MIS18A: variants seen among roughly 807,000 people sequenced by gnomAD.
MIS18A encodes the protein MIS18 kinetochore protein A, also known as protein Mis18-alpha.
In MIS18A, 14 loss-of-function variants were observed where a neutral mutation model predicts 25.0. That is an observed-to-expected ratio of 0.56 (90% CI 0.37 to 0.88). The LOEUF (loss-of-function observed/expected upper bound fraction) is 0.88, where lower values mean the gene tolerates loss of function less well. Among genes scored for constraint, MIS18A ranks in the 40% least tolerant of loss-of-function variants. MIS18A has a pLI of 0.00. For synonymous variants in MIS18A, 134 were observed against 118.6 expected, an observed-to-expected ratio of 1.13 and a Z score of -0.84; for missense variants, 292 against 290.8, an observed-to-expected ratio of 1.00 and a Z score of -0.03.
the MIS18A span, among the ~76,000 whole-genome samples, chr21:32,220,788 G>T: frequency 6.6e-6 from 1 of 152,008 alleles, no homozygotes; most frequent in African/African-American, 2.4e-5. Context: ...GAACATAAAT[G>T]ACATGATGGA....
chr21:32,244,252 A>G, the MIS18A span, among the ~76,000 whole-genome samples: 1 of 152,180 alleles, frequency 6.6e-6, no homozygotes, highest in Admixed American at 6.5e-5. Context: ...GCGCGGGGCC[A>G]GGGCTGGGGA....
In MIS18A at chr21:32,277,244, T is replaced by C. The variant is rs188161781; in HGVS notation, c.334+1437A>G. ...AGAACTATGTTTTAAATTTAAAAGC[T>C]ATTGTTATAAAAATTAAATAACAAA... On this transcript the variant is annotated intron_variant, in intron 1 of 4. Transcript: ENST00000290130. Among the ~76,000 whole-genome samples the C allele has an allele frequency of 4.9e-3, 739 of 152,338 alleles. 3 individuals carry two copies. Among genetic ancestry groups the C allele is most frequent in the Admixed American group, 0.011 (164 of 15,302 alleles).
the MIS18A span, among the ~76,000 whole-genome samples, chr21:32,179,139 G>A: frequency 6.7e-6 from 1 of 149,800 alleles, no homozygotes; most frequent in Non-Finnish European, 1.5e-5. Flanking sequence ...ATTTCTCTTT[G>A]CTGATTCCAG....
the MIS18A span, among the ~76,000 whole-genome samples, chr21:32,215,000 C>T: frequency 1.3e-5 from 2 of 152,178 alleles, no homozygotes; most frequent in African/African-American, 4.8e-5. Context: ...GGGACAAACT[C>T]AGGACTCTGT....
At chr21:32,172,448 A>T in the MIS18A span, among the ~76,000 whole-genome samples, 4 of 152,104 alleles carry the variant, frequency 2.6e-5, no homozygotes, top group African/African-American at 9.6e-5. Context: ...CCATTTGACT[A>T]TAGTAACACT....
chr21:32,258,555 A>G, the MIS18A span, among the ~76,000 whole-genome samples: 1 of 152,166 alleles, frequency 6.6e-6, no homozygotes, highest in Non-Finnish European at 1.5e-5. Context: ...TTGGGGAAAC[A>G]AAACAAAAAG....
the MIS18A span, among the ~76,000 whole-genome samples, chr21:32,219,604 G>A: frequency 4.9e-3 from 747 of 152,232 alleles, no homozygotes; most frequent in Non-Finnish European, 7.6e-3. Flanking sequence ...CCCCAGTGGT[G>A]CCTGGAATGC....
the MIS18A span, among the ~76,000 whole-genome samples, chr21:32,256,602 A>G: frequency 6.6e-6 from 1 of 152,188 alleles, no homozygotes; most frequent in East Asian, 1.9e-4. Flanking sequence ...TAATTTTTAT[A>G]GTCCTACTAA....
At chr21:32,209,998 A>C in the MIS18A span, among the ~76,000 whole-genome samples, 1 of 152,198 alleles carries the variant, frequency 6.6e-6, no homozygotes, top group Non-Finnish European at 1.5e-5. Context: ...GAAGTTGTAT[A>C]ACATGCTCAA....
chr21:32,263,779 C>T (rs1430559549), downstream of MIS18A, among the ~76,000 whole-genome samples: 1 of 150,666 alleles, frequency 6.6e-6, no homozygotes, highest in South Asian at 2.1e-4. Context: ...CAATATGCTG[C>T]AAACCCAGCT....
At chr21:32,278,427 G>A (rs926832776) in intron 1 of MIS18A, 8 of 513,084 alleles carry the variant, frequency 1.6e-5, no homozygotes, top group African/African-American at 1.0e-4. Flanking sequence ...TCTGAGTAAT[G>A]CTCACGATGA....
At chr21:32,183,132 C>A in the MIS18A span, among the ~76,000 whole-genome samples, 1 of 152,158 alleles carries the variant, frequency 6.6e-6, no homozygotes, top group African/African-American at 2.4e-5. Flanking sequence ...CCCTGCCCAT[C>A]CTGCCCCACA....
the MIS18A span, among the ~76,000 whole-genome samples, chr21:32,227,226 G>A: frequency 1.3e-5 from 2 of 151,532 alleles, no homozygotes; most frequent in African/African-American, 2.4e-5. Flanking sequence ...CAAAATAAAC[G>A]AAATAGAGAA....
intron 1 of MIS18A, among the ~76,000 whole-genome samples, chr21:32,277,480 G>A (rs1383569721): frequency 1.3e-5 from 2 of 151,976 alleles, no homozygotes; most frequent in Non-Finnish European, 2.9e-5. Context: ...TTGAGACGTT[G>A]TCTCGCTCTG....
At chr21:32,237,052 C>T in the MIS18A span, among the ~76,000 whole-genome samples, 1 of 150,620 alleles carries the variant, frequency 6.6e-6, no homozygotes, top group Non-Finnish European at 1.5e-5. Flanking sequence ...TGGTGCAACA[C>T]CCCCCACCCC....
At chr21:32,155,614 T>C in the MIS18A span, among the ~76,000 whole-genome samples, 13 of 152,218 alleles carry the variant, frequency 8.5e-5, no homozygotes, top group African/African-American at 2.9e-4. Context: ...AGAAAAATTA[T>C]AATCAGGTAC....
At chr21:32,193,652 T>C in the MIS18A span, among the ~76,000 whole-genome samples, 1 of 152,236 alleles carries the variant, frequency 6.6e-6, no homozygotes, top group Non-Finnish European at 1.5e-5. Context: ...GCAGCCATTC[T>C]ATTTCTCTAA....
At chr21:32,242,093 G>T in the MIS18A span, among the ~76,000 whole-genome samples, 5 of 152,324 alleles carry the variant, frequency 3.3e-5, no homozygotes, top group African/African-American at 1.2e-4. Context: ...TGTTAGCCAG[G>T]ATGGTCTCGA....
At chr21:32,223,052 G>C in the MIS18A span, among the ~76,000 whole-genome samples, 1 of 151,906 alleles carries the variant, frequency 6.6e-6, no homozygotes, top group South Asian at 2.1e-4. Context: ...AATTAACGCA[G>C]ATATAAAGAA....
Sources: allele counts gnomAD v4.1 joint callset (sites outside exome capture counted in the v4.1 genomes callset), GRCh38; gene constraint gnomAD v4.1.1; transcripts MANE v1.5; gene names NCBI Gene and HGNC (gene_info 2026-07-23, HGNC 2026-07-21).